Variants in CNGB3 observed in about 807,000 individuals in gnomAD.
CNGB3 encodes the protein cyclic nucleotide-gated channel beta-3.
Under a neutral mutation model 92.8 loss-of-function variants are expected in CNGB3, and 86 were observed. The ratio of observed to expected loss-of-function variants is 0.93; its 90% CI spans 0.78 to 1.11. CNGB3 has a LOEUF of 1.11. Among genes scored for constraint, CNGB3 ranks in the 50% least tolerant of loss-of-function variants. The pLI is 0.00. For synonymous variants in CNGB3, 333 were observed against 332.7 expected (o/e 1.00, Z -0.01); for missense variants, 1,026 against 956.8 (o/e 1.07, Z -0.95).
chr8:86,603,379 G>GA (rs1822346907), intron 15 of CNGB3, among the ~76,000 whole-genome samples: 1 of 152,158 alleles, frequency 6.6e-6, no homozygotes. Flanking sequence ...GAATAAATGT[G>GA]ATAATGCATA....
chr8:86,618,605 CA>C (rs1822664170), intron 13 of CNGB3, among the ~76,000 whole-genome samples: 2 of 152,138 alleles, frequency 1.3e-5, no homozygotes, highest in Non-Finnish European at 2.9e-5. Flanking sequence ...GTGCTTTAGA[CA>C]GGTCAACTGC....
chr8:86,702,581 A>G (rs561461446), intron 3 of CNGB3, among the ~76,000 whole-genome samples: 26 of 152,316 alleles, frequency 1.7e-4, no homozygotes, highest in African/African-American at 6.3e-4. Context: ...AAGAAGTATC[A>G]TTAACATTTG....
chr8:86,682,624 G>A (rs1487315769), intron 3 of CNGB3, among the ~76,000 whole-genome samples: 1 of 152,180 alleles, frequency 6.6e-6, no homozygotes, highest in Non-Finnish European at 1.5e-5. Flanking sequence ...GCGATGCCAG[G>A]AGAGATGTGT....
At chr8:86,617,058 G>A (rs1296624315) in intron 13 of CNGB3, among the ~76,000 whole-genome samples, 2 of 152,200 alleles carry the variant, frequency 1.3e-5, no homozygotes, top group African/African-American at 4.8e-5. Flanking sequence ...ATTCAGTGCT[G>A]TATAGCTGTG....
intron 6 of CNGB3, among the ~76,000 whole-genome samples, chr8:86,664,727 A>C (rs966129192): frequency 2.0e-5 from 3 of 152,174 alleles, no homozygotes; most frequent in African/African-American, 7.2e-5. Context: ...GATGTGATGA[A>C]TTTGGCAAGT....
In CNGB3 at chr8:86,667,076, C is replaced by G. The variant is rs766852205; in HGVS notation, c.701G>C (p.Cys234Ser). The G allele has an allele frequency of 1.2e-6, 2 of 1,614,006 alleles. No individual in the cohort carries two copies. The highest frequency in any genetic ancestry group is 1.7e-5 in the Admixed American group (1 of 60,008). Residue 234 changes from cysteine to serine, a missense_variant, in exon 6 of 18, where the codon TGT becomes TCT. Cys to Ser is a moderately radical substitution (Grantham distance 112, BLOSUM62 -1). Transcript: ENST00000320005. ...GAAGACGAGGCGCAGTGGTATAAAA[C>G]AGCAGTTCCAGTTATAGGCAAGAGT... is the stretch of plus-strand genomic sequence containing the variant. ...LVTLAYNWNC[C>S]FIPLRLVFPY...
In CNGB3 at chr8:86,720,817, T is replaced by TATATATATATATTCCATGGC. The variant is rs1413993181; in HGVS notation, c.338+5713_338+5714insGCCATGGAATATATATATAT. On this transcript the variant is annotated intron_variant, in intron 3 of 17. Transcript: ENST00000320005. ...CAACTTATATATATTCCATGGCATA[T>TATATATATATATTCCATGGC]ATATATATATATATATATGTATACA... 1.5e-4 allele frequency among the ~76,000 whole-genome samples: 3 copies of TATATATATATATTCCATGGC among 19,654 alleles called. No individual in the cohort carries two copies. In the African/African-American group the frequency reaches 1.7e-3, roughly 11 times the overall value. The allele number at this position is 19,654 out of a possible 152,430, so 12.9% of individuals were successfully genotyped here.
Position 86,632,823 on chromosome 8 carries a change from A to C in CNGB3, c.1249T>G (p.Leu417Val). The C allele has an allele frequency of 6.2e-7, 1 of 1,612,966 alleles. No homozygotes were observed. The change falls in exon 11 of 18, where the codon TTA (leucine) becomes GTA (valine). Residue 417 changes from leucine (L) to valine (V), a missense_variant. By Grantham distance (32) the Leu-to-Val change is conservative. Coordinates refer to ENST00000320005, the MANE Select transcript of CNGB3 (RefSeq NM_019098.5). Reference protein sequence around the residue: ...TIGGLPEPQTLFEIVFQLLNF... With the variant: ...TIGGLPEPQTVFEIVFQLLNF... ...AAGAGTTGAAAAACAATTTCAAATA[A>C]AGTTTGTGGTTCTGGAAGGCCACCA...
chr8:86,741,679 A>AC (rs1311315543), intron 1 of CNGB3, among the ~76,000 whole-genome samples: 1 of 152,092 alleles, frequency 6.6e-6, no homozygotes, highest in African/African-American at 2.4e-5. Context: ...AAAAACAAAA[A>AC]AAAAAAATCT....
Position 86,709,056 on chromosome 8 carries a change from A to G in CNGB3, c.338+17475T>C, listed in dbSNP as rs576658573. On this transcript the variant is annotated intron_variant, in intron 3 of 17. Transcript: ENST00000320005. ...GTTTAAATGTGGAAAATGCTGCAAC[A>G]TGTTTACATGCTTATAGAAATGATC... 4.6e-5 allele frequency among the ~76,000 whole-genome samples: 7 copies of G among 152,334 alleles called. 1 individual carries two copies. Among genetic ancestry groups the G allele is most frequent in the African/African-American group, 1.2e-4 (5 of 41,578 alleles).
intron 10 of CNGB3, among the ~76,000 whole-genome samples, chr8:86,638,533 C>T (rs183910392): frequency 6.6e-6 from 1 of 152,064 alleles, no homozygotes; most frequent in Non-Finnish European, 1.5e-5. Flanking sequence ...CCATCTTAGT[C>T]CCTAGTTTCT....
rs115626015 is a variant in CNGB3, at chr8:86,651,242, A to T, written c.903+2770T>A. Among the ~76,000 whole-genome samples, 437 of 151,788 alleles carry T rather than the reference A, an allele frequency of 2.9e-3. 1 individual carries two copies. The highest frequency in any genetic ancestry group is 1.0e-2 in the African/African-American group (413 of 41,468). ...CTGGTGATGGGTGCACTGAAATCTC[A>T]TAATTTACCACTATATAATTCATCC... On this transcript the variant is annotated intron_variant, in intron 7 of 17. Coordinates refer to ENST00000320005, the MANE Select transcript of CNGB3 (RefSeq NM_019098.5).
intron 10 of CNGB3, among the ~76,000 whole-genome samples, chr8:86,636,896 C>T (rs979012947): frequency 2.0e-5 from 3 of 152,098 alleles, no homozygotes; most frequent in Non-Finnish European, 2.9e-5. Flanking sequence ...ATAATGTCCC[C>T]CAGCACTATC....
chr8:86,698,531 T>C (rs1484566378), intron 3 of CNGB3, among the ~76,000 whole-genome samples: 1 of 152,236 alleles, frequency 6.6e-6, no homozygotes, highest in Non-Finnish European at 1.5e-5. Context: ...ACATGCTTGA[T>C]GATATTTAAA....
intron 3 of CNGB3, among the ~76,000 whole-genome samples, chr8:86,695,832 G>A (rs1414682583): frequency 3.9e-5 from 6 of 152,264 alleles, no homozygotes; most frequent in African/African-American, 1.2e-4. Flanking sequence ...GTTGTCCCAT[G>A]GAGTAATCCC....
intron 10 of CNGB3, among the ~76,000 whole-genome samples, chr8:86,642,232 A>T (rs747740602): frequency 5.9e-5 from 9 of 151,774 alleles, no homozygotes; most frequent in Non-Finnish European, 7.4e-5. Context: ...CTAATTTGAA[A>T]AAAACAGCTA....
chr8:86,671,313 G>A, intron 3 of CNGB3, among the ~76,000 whole-genome samples: 1 of 152,146 alleles, frequency 6.6e-6, no homozygotes, highest in East Asian at 1.9e-4. Flanking sequence ...AATAGCAAGT[G>A]GTAACTCTTG....
intron 2 of CNGB3, 96 bp from the exon 3 acceptor site, chr8:86,726,753 T>C: frequency 7.1e-7 from 1 of 1,404,158 alleles, no homozygotes; most frequent in Non-Finnish European, 1.0e-6. Flanking sequence ...GCTTGTTTTT[T>C]AGAATAGTCT....
intron 11 of CNGB3, among the ~76,000 whole-genome samples, chr8:86,630,064 C>T (rs1374639931): frequency 1.3e-5 from 2 of 152,044 alleles, no homozygotes; most frequent in Non-Finnish European, 2.9e-5. Flanking sequence ...ATTGTGATGC[C>T]CTCCTCAGTT....
Sources: gnomAD v4.1 joint callset for allele counts (sites outside exome capture counted in the v4.1 genomes callset) on GRCh38, gnomAD v4.1.1 for gene constraint, MANE v1.5 for transcripts, NCBI Gene and HGNC (gene_info 2026-07-23, HGNC 2026-07-21) for gene names.